MRPS21: variants seen among roughly 807,000 people sequenced by gnomAD.
The protein encoded by MRPS21 is small ribosomal subunit protein bS21m.
Under a neutral mutation model 9.9 loss-of-function variants are expected in MRPS21, and 8 were observed. The observed-to-expected ratio is 0.81, with a 90% CI of 0.47 to 1.45. MRPS21 has a LOEUF of 1.45. Ranked by LOEUF, MRPS21 falls within the 40% of genes most tolerant of loss-of-function variation. MRPS21 has a pLI of 0.00. For missense variants in MRPS21, 101 were observed against 118.9 expected (o/e 0.85, Z 0.70); for synonymous variants, 40 against 40.3 (o/e 0.99, Z 0.03).
chr1:150,307,603 G>T (rs1395932092), intron 2 of MRPS21, among the ~76,000 whole-genome samples: 3 of 151,560 alleles, frequency 2.0e-5, no homozygotes, highest in Non-Finnish European at 2.9e-5. Context: ...TTGAGACAGG[G>T]TCTTATTCTG....
chr1:150,295,792 G>GAA (rs1484994743), intron 2 of MRPS21, among the ~76,000 whole-genome samples: 2 of 151,578 alleles, frequency 1.3e-5, no homozygotes, highest in South Asian at 2.1e-4. Context: ...AGAAGAAAGG[G>GAA]AAAAAAAGAA....
At chr1:150,297,479 C>T (rs1474785885) in intron 2 of MRPS21, among the ~76,000 whole-genome samples, 2 of 152,082 alleles carry the variant, frequency 1.3e-5, no homozygotes, top group African/African-American at 2.4e-5. Context: ...CAATACCAGC[C>T]TGGCCAACAT....
At chr1:150,295,492 TAAA>T (rs1560061166) in intron 2 of MRPS21, among the ~76,000 whole-genome samples, 1 of 152,252 alleles carries the variant, frequency 6.6e-6, no homozygotes, top group Middle Eastern at 3.4e-3. Flanking sequence ...TTAGAAGACT[TAAA>T]AAAGAGCCCA....
At chr1:150,297,544 G>A (rs1340987783) in intron 2 of MRPS21, among the ~76,000 whole-genome samples, 2 of 151,774 alleles carry the variant, frequency 1.3e-5, no homozygotes, top group Admixed American at 1.3e-4. Flanking sequence ...GGTGGCAGGC[G>A]CCTGTAATCT....
At chr1:150,300,479 TTA>T (rs1438050024) in intron 2 of MRPS21, among the ~76,000 whole-genome samples, 2 of 152,242 alleles carry the variant, frequency 1.3e-5, no homozygotes, top group Non-Finnish European at 2.9e-5. Context: ...AAATGTTCCT[TTA>T]TCTTTTTTGT....
intron 2 of MRPS21, among the ~76,000 whole-genome samples, chr1:150,302,001 T>G (rs1047061387): frequency 2.0e-5 from 3 of 152,206 alleles, no homozygotes; most frequent in African/African-American, 7.2e-5. Context: ...GTTAAACACA[T>G]TTTCTGACTG....
intron 2 of MRPS21, among the ~76,000 whole-genome samples, chr1:150,296,361 C>T (rs1490482336): frequency 6.6e-6 from 1 of 152,204 alleles, no homozygotes; most frequent in East Asian, 1.9e-4. Flanking sequence ...CATTTTCTTT[C>T]CCCAATGTGA....
At chr1:150,296,978 CAGA>C (rs1278024282) in intron 2 of MRPS21, among the ~76,000 whole-genome samples, 2 of 152,206 alleles carry the variant, frequency 1.3e-5, no homozygotes, top group African/African-American at 4.8e-5. Flanking sequence ...GGCTGGATGG[CAGA>C]AGACCACAGT....
intron 2 of MRPS21, 75 bp from the exon 3 acceptor site, chr1:150,307,973 C>A: frequency 7.4e-7 from 1 of 1,352,712 alleles, no homozygotes; most frequent in Non-Finnish European, 9.9e-7. Context: ...TTTGGTCAAT[C>A]GACTTCTATT....
intron 2 of MRPS21, among the ~76,000 whole-genome samples, chr1:150,300,879 T>A (rs1162575934): frequency 5.9e-5 from 9 of 152,062 alleles, no homozygotes; most frequent in African/African-American, 2.2e-4. Flanking sequence ...TTCTTTTCTT[T>A]TTAAGAAAGA....
intron 2 of MRPS21, among the ~76,000 whole-genome samples, chr1:150,294,997 T>TG (rs1164367601): frequency 9.0e-6 from 1 of 111,116 alleles, no homozygotes; most frequent in East Asian, 2.0e-4. Context: ...TTAATTTTAA[T>TG]TTTTTTTTTT....
chr1:150,301,457 C>T, intron 2 of MRPS21: 1 of 175,610 alleles, frequency 5.7e-6, no homozygotes, highest in South Asian at 8.5e-5. Context: ...GAGATCGCGC[C>T]ATTCATTGCA....
At chr1:150,300,641 G>C (rs1003047549) in intron 2 of MRPS21, among the ~76,000 whole-genome samples, 1 of 152,066 alleles carries the variant, frequency 6.6e-6, no homozygotes, top group Non-Finnish European at 1.5e-5. Context: ...CTTCGTATTC[G>C]TTGCCATTGC....
At position 150,308,406 on chromosome 1, in the gene MRPS21, T is replaced by C; in HGVS notation, c.*178T>C. 1 of 566,022 alleles carries C rather than the reference T, an allele frequency of 1.8e-6. No individual in the cohort carries two copies. The highest frequency in any genetic ancestry group is 1.8e-5 in the African/African-American group (1 of 54,242). The allele number at this position is 566,022 out of a possible 1,614,324, so 35.1% of individuals were successfully genotyped here. A position where few individuals can be genotyped will look rare whatever the true frequency, so the allele number is the denominator to read the frequency against. ...AGTCAGCAGTGGACCCTGTCTTTTA[T>C]TAAGTGAAAGAAGAAACTGAGTCTG... On this transcript the variant is annotated 3_prime_UTR_variant, in exon 3 of 3. Coordinates refer to ENST00000614145, the MANE Select transcript of MRPS21 (RefSeq NM_031901.6).
chr1:150,307,879 A>G (rs1654401264), intron 2 of MRPS21, among the ~76,000 whole-genome samples, 169 bp from the exon 3 acceptor site: 1 of 152,214 alleles, frequency 6.6e-6, no homozygotes, highest in Non-Finnish European at 1.5e-5. Flanking sequence ...CCCGGCCCAC[A>G]GATTCTTATT....
At chr1:150,295,878 G>A (rs1553856478) in intron 2 of MRPS21, among the ~76,000 whole-genome samples, 2 of 152,082 alleles carry the variant, frequency 1.3e-5, no homozygotes, top group African/African-American at 2.4e-5. Context: ...AACTAGCTGG[G>A]GTGGAGGAGC....
intron 2 of MRPS21, among the ~76,000 whole-genome samples, chr1:150,296,109 G>A (rs587657722): frequency 1.3e-5 from 2 of 152,128 alleles, no homozygotes; most frequent in Admixed American, 1.3e-4. Context: ...CCACCACCAC[G>A]CCTGGCTGAT....
In MRPS21 at chr1:150,307,926, C is replaced by T. The variant is rs1654402844; in HGVS notation, c.84-122C>T. 8.2e-6 allele frequency: 8 copies of T among 978,820 alleles called. No homozygotes were observed. In the East Asian group the frequency reaches 1.9e-4, roughly 23 times the overall value. 60.6% of individuals were successfully genotyped at this position (978,820 alleles called of 1,614,324 possible). On this transcript the variant is annotated intron_variant, in intron 2 of 2. Transcript: ENST00000614145. ...AAGTAGGCAGTTAATGCTCTATTGC[C>T]ACCATTTCCCACTGTATTTTTTATA...
intron 2 of MRPS21, among the ~76,000 whole-genome samples, chr1:150,303,516 T>C (rs782137253): frequency 6.6e-6 from 1 of 152,178 alleles, no homozygotes; most frequent in Non-Finnish European, 1.5e-5. Context: ...CTTTTACCCA[T>C]GGATACTGCA....
Sources: gnomAD v4.1 joint callset for allele counts (sites outside exome capture counted in the v4.1 genomes callset) on GRCh38, gnomAD v4.1.1 for gene constraint, MANE v1.5 for transcripts, NCBI Gene and HGNC (gene_info 2026-07-23, HGNC 2026-07-21) for gene names.